The following TRPC4 variants were observed in gnomAD, a reference collection of about 807,000 sequenced individuals.
TRPC4 encodes the protein short transient receptor potential channel 4.
A neutral mutation model predicts 99.4 loss-of-function variants in TRPC4; 49 were observed. That is an observed-to-expected ratio of 0.49 (90% confidence interval 0.39 to 0.63). TRPC4 has a LOEUF of 0.63. TRPC4 is among the 20% of genes least tolerant of loss of function. The pLI is 0.00. For synonymous variants in TRPC4, 454 were observed against 425.9 expected (o/e 1.07, Z -0.81); for missense variants, 898 against 1,152.9 (o/e 0.78, Z 3.20).
intron 2 of TRPC4, among the ~76,000 whole-genome samples, chr13:37,779,180 G>C (rs17264465): frequency 0.064 from 9,770 of 152,120 alleles, 393 homozygotes; most frequent in Non-Finnish European, 0.091. Flanking sequence ...TCTGGACTTA[G>C]AAGACATCTA....
chr13:37,662,852 C>T (rs1372129380), intron 6 of TRPC4, among the ~76,000 whole-genome samples: 1 of 152,178 alleles, frequency 6.6e-6, no homozygotes, highest in African/African-American at 2.4e-5. Context: ...TGACAATAGA[C>T]ACTGTCTATT....
At chr13:37,794,939 TA>T (rs1214442294) in intron 1 of TRPC4, among the ~76,000 whole-genome samples, 1 of 152,050 alleles carries the variant, frequency 6.6e-6, no homozygotes, top group East Asian at 1.9e-4. Flanking sequence ...TTATGATAAC[TA>T]AAAAAAGAAG....
intron 6 of TRPC4, among the ~76,000 whole-genome samples, chr13:37,656,875 A>G (rs765674609): frequency 3.3e-5 from 5 of 152,132 alleles, no homozygotes; most frequent in Non-Finnish European, 5.9e-5. Flanking sequence ...GCACTACGTC[A>G]ACTCCGGCTC....
intron 8 of TRPC4, among the ~76,000 whole-genome samples, chr13:37,644,573 A>C (rs1323811070): frequency 6.6e-6 from 1 of 152,124 alleles, no homozygotes; most frequent in Admixed American, 6.5e-5. Context: ...ATCACATAGA[A>C]ATTTCTGGAA....
intron 3 of TRPC4, among the ~76,000 whole-genome samples, chr13:37,721,896 C>T (rs578218603): frequency 1.3e-5 from 2 of 152,166 alleles, no homozygotes; most frequent in South Asian, 4.1e-4. Context: ...CTTGGCCTCC[C>T]AAAATGCTGA....
intron 2 of TRPC4, among the ~76,000 whole-genome samples, chr13:37,757,673 A>T (rs74047155): frequency 1.1e-3 from 165 of 152,036 alleles, no homozygotes; most frequent in Middle Eastern, 6.8e-3. Context: ...TATTTACTTC[A>T]TGCAGAAAAA....
intron 1 of TRPC4, among the ~76,000 whole-genome samples, chr13:37,865,536 T>TA (rs1959684188): frequency 1.3e-5 from 2 of 151,746 alleles, no homozygotes; most frequent in African/African-American, 4.8e-5. Flanking sequence ...ATAAGTAGCT[T>TA]ATCTCTTGCT....
intron 1 of TRPC4, among the ~76,000 whole-genome samples, chr13:37,846,694 G>T (rs1286162020): frequency 6.6e-6 from 1 of 151,358 alleles, no homozygotes; most frequent in Non-Finnish European, 1.5e-5. Flanking sequence ...AAAAATGCCA[G>T]CAACAAGTTT....
intron 1 of TRPC4, among the ~76,000 whole-genome samples, chr13:37,793,514 T>G (rs1303260927): frequency 6.8e-6 from 1 of 147,816 alleles, no homozygotes; most frequent in East Asian, 2.0e-4. Flanking sequence ...GGGAAATTAT[T>G]CAAAATACAT....
chr13:37,641,517 A>C (rs892412593), intron 8 of TRPC4, among the ~76,000 whole-genome samples: 1 of 152,230 alleles, frequency 6.6e-6, no homozygotes, highest in Non-Finnish European at 1.5e-5. Context: ...TTCTGAACCT[A>C]AAACTCAAAA....
At chr13:37,647,985 C>G (rs919447465) in intron 8 of TRPC4, among the ~76,000 whole-genome samples, 2 of 152,218 alleles carry the variant, frequency 1.3e-5, no homozygotes, top group South Asian at 4.1e-4. Context: ...GCTCTGTCAC[C>G]AGGCTGGAGT....
chr13:37,732,956 A>G (rs921404604), intron 3 of TRPC4, among the ~76,000 whole-genome samples: 2 of 152,232 alleles, frequency 1.3e-5, no homozygotes, highest in African/African-American at 4.8e-5. Context: ...TGTAAAATTC[A>G]TAGGAAATGA....
At chr13:37,748,111 T>G (rs1488578554) in intron 2 of TRPC4, among the ~76,000 whole-genome samples, 11 of 152,110 alleles carry the variant, frequency 7.2e-5, no homozygotes. Flanking sequence ...AATTTACAAC[T>G]TATGTATTAT....
chr13:37,683,051 C>G (rs192729942), intron 4 of TRPC4, among the ~76,000 whole-genome samples: 1 of 151,350 alleles, frequency 6.6e-6, no homozygotes, highest in African/African-American at 2.4e-5. Context: ...TTACAGGCGT[C>G]GGCAGCCCAG....
chr13:37,819,168 C>CAA (rs1204273552), intron 1 of TRPC4, among the ~76,000 whole-genome samples: 1 of 151,440 alleles, frequency 6.6e-6, no homozygotes, highest in Non-Finnish European at 1.5e-5. Flanking sequence ...TATTAAAAAG[C>CAA]AAAAAAATTA....
At chr13:37,641,995 G>GA (rs1275984780) in intron 8 of TRPC4, among the ~76,000 whole-genome samples, 1 of 152,156 alleles carries the variant, frequency 6.6e-6, no homozygotes, top group Non-Finnish European at 1.5e-5. Flanking sequence ...TTACCTCTGA[G>GA]AAAGTAAAAT....
At chr13:37,820,114 A>G (rs9548058) in intron 1 of TRPC4, among the ~76,000 whole-genome samples, 38,292 of 151,906 alleles carry the variant, frequency 0.25, 5,522 homozygotes, top group Middle Eastern at 0.34. Flanking sequence ...AGGATATATT[A>G]CCACCAACCT....
intron 4 of TRPC4, among the ~76,000 whole-genome samples, chr13:37,676,330 A>G (rs1393766337): frequency 6.6e-6 from 1 of 151,812 alleles, no homozygotes; most frequent in Non-Finnish European, 1.5e-5. Flanking sequence ...TAAGACTGAC[A>G]GCAAACTTCT....
At chr13:37,715,315 A>C (rs1954622594) in intron 3 of TRPC4, among the ~76,000 whole-genome samples, 1 of 152,224 alleles carries the variant, frequency 6.6e-6, no homozygotes, top group Non-Finnish European at 1.5e-5. Context: ...GAAATCAAGG[A>C]AATCAACAAA....
Sources: allele counts gnomAD v4.1 joint callset (sites outside exome capture counted in the v4.1 genomes callset), GRCh38; gene constraint gnomAD v4.1.1; transcripts MANE v1.5; gene names NCBI Gene and HGNC (gene_info 2026-07-23, HGNC 2026-07-21).